Variants in ARFGAP2 observed in about 807,000 individuals in gnomAD.
The protein encoded by ARFGAP2 is ADP-ribosylation factor GTPase-activating protein 2.
A neutral mutation model predicts 71.9 loss-of-function variants in ARFGAP2; 45 were observed. The ratio of observed to expected loss-of-function variants is 0.63; its 90% confidence interval spans 0.49 to 0.80. The LOEUF (loss-of-function observed/expected upper bound fraction) is 0.80, where lower values mean the gene tolerates loss of function less well. Among genes scored for constraint, ARFGAP2 ranks in the 30% least tolerant of loss-of-function variants. The pLI is 0.00. For synonymous variants in ARFGAP2, 248 were observed against 249.2 expected, an observed-to-expected ratio of 1.00 and a Z score of 0.05; for missense variants, 633 against 673.9, an observed-to-expected ratio of 0.94 and a Z score of 0.67.
At chr11:47,171,971 C>A in intron 8 of ARFGAP2, 171 bp from the exon 9 acceptor site, 1 of 1,059,856 alleles carries the variant, frequency 9.4e-7, no homozygotes. Flanking sequence ...TGGAGCTGGG[C>A]ATGGGCGGCT....
chr11:47,175,098 G>A lies in ARFGAP2; in HGVS notation c.397C>T (p.Leu133Phe), dbSNP rs778053729. The change falls in exon 5 of 16, where the codon CTT becomes TTT. Residue 133 changes from leucine to phenylalanine, a missense_variant and splice_region_variant. Leu to Phe is a conservative substitution (Grantham distance 22). Coordinates refer to ENST00000524782, the MANE Select transcript of ARFGAP2 (RefSeq NM_032389.6). ...SAALARHGTD[L>F]WIDNMSSAVP... ...GCACTACTCATGTTGTCTATCCAAA[G>A]CTAGAAAGGAGAAGACACCCCTAAA... 1 of 1,614,162 alleles carries A rather than the reference G, an allele frequency of 6.2e-7. No homozygotes were observed. The highest frequency in any genetic ancestry group is 1.7e-5 in the Admixed American group (1 of 60,026).
In ARFGAP2 at chr11:47,165,410, A is replaced by T; in HGVS notation, c.*72T>A. ...ATCCTCCCCAGCTTCCACAAGGCAA[A>T]GCATCCCCAGCCTGGGAACTGTGGA... is the stretch of plus-strand genomic sequence containing the variant. On this transcript the variant is annotated 3_prime_UTR_variant, in exon 16 of 16. Transcript: ENST00000524782. 1 of 1,525,292 alleles carries T rather than the reference A, an allele frequency of 6.6e-7. No homozygotes were observed. Among genetic ancestry groups the T allele is most frequent in the Non-Finnish European group, 8.8e-7 (1 of 1,134,666 alleles). 94.5% of individuals were successfully genotyped at this position (1,525,292 alleles called of 1,614,324 possible).
chr11:47,166,356 G>A lies in ARFGAP2; in HGVS notation c.1457C>T (p.Thr486Ile). 6.2e-7 allele frequency: 1 copy of A among 1,614,250 alleles called. No individual in the cohort carries two copies. Among genetic ancestry groups the A allele is most frequent in the Non-Finnish European group, 8.5e-7 (1 of 1,180,052 alleles). Residue 486 changes from threonine to isoleucine, a missense_variant, in exon 15 of 16, where the codon ACA becomes ATA. Thr to Ile is a moderately conservative substitution (Grantham distance 89). Coordinates refer to ENST00000524782, the MANE Select transcript of ARFGAP2 (RefSeq NM_032389.6). ...CTGCTTAAACTGGGCAATGTCCGCT[G>A]TAGGCAGCACGTTCCCCAGAGATAC... Reference protein sequence around the residue: ...GSVSLGNVLPTADIAQFKQGV... With the variant: ...GSVSLGNVLPIADIAQFKQGV...
Position 47,168,240 on chromosome 11 carries a change from T to C in ARFGAP2, c.953A>G (p.His318Arg), listed in dbSNP as rs963472806. The C allele has an allele frequency of 8.1e-6, 13 of 1,613,566 alleles. No individual in the cohort carries two copies. Among genetic ancestry groups the C allele is most frequent in the African/African-American group, 1.3e-5 (1 of 74,740 alleles). Residue 318 changes from histidine to arginine, a missense_variant, in exon 11 of 16, where the codon CAC (histidine) becomes CGC (arginine). Coordinates refer to ENST00000524782, the MANE Select transcript of ARFGAP2 (RefSeq NM_032389.6). ...MGLVSRSSVSHSVLSEMQVIE... is the reference protein window; with the variant it reads ...MGLVSRSSVSRSVLSEMQVIE... ...CACCTGCATCTCAGACAGCACGGAGTGGGAGACAGAGCTGCGCAGCAAAGC... is the reference window on the plus strand; with the variant it reads ...CACCTGCATCTCAGACAGCACGGAGCGGGAGACAGAGCTGCGCAGCAAAGC...
rs201018164 is a variant in ARFGAP2 at position 47,171,676 on chromosome 11, G to C, written c.797C>G (p.Ala266Gly). The C allele has an allele frequency of 6.2e-7, 1 of 1,613,636 alleles. No homozygotes were observed. Among genetic ancestry groups the C allele is most frequent in the Non-Finnish European group, 8.5e-7 (1 of 1,180,022 alleles). ...EQQAADAKKQ[A>G]EESMVASMRL... ...AGCAAACACTTACATGGACTCCTCC[G>C]CCTGCTTCTTGGCATCGGCTGCCTG... Residue 266 changes from alanine (A) to glycine (G), a missense_variant, in exon 9 of 16, where the codon GCG becomes GGG. Coordinates refer to ENST00000524782, the MANE Select transcript of ARFGAP2 (RefSeq NM_032389.6).
At position 47,167,901 on chromosome 11, in the gene ARFGAP2, C is replaced by A; in HGVS notation, c.1205+8G>T. The A allele has an allele frequency of 6.3e-7, 1 of 1,589,766 alleles. No individual in the cohort carries two copies. Among genetic ancestry groups the A allele is most frequent in the Non-Finnish European group, 8.5e-7 (1 of 1,169,646 alleles). Reference sequence around the variant, plus strand: ...AAGAAAGAAAAAAGAAAAAACAGCCCACTCTACCTTTCTGAAATAGGCCGG... The same window carrying A: ...AAGAAAGAAAAAAGAAAAAACAGCCAACTCTACCTTTCTGAAATAGGCCGG... On this transcript the variant is annotated splice_region_variant and intron_variant, in intron 12 of 15. Coordinates refer to ENST00000524782, the MANE Select transcript of ARFGAP2 (RefSeq NM_032389.6).
chr11:47,170,743 C>A (rs747343144), intron 10 of ARFGAP2, among the ~76,000 whole-genome samples: 3 of 152,048 alleles, frequency 2.0e-5, no homozygotes, highest in Non-Finnish European at 4.4e-5. Context: ...CCCAGGAATT[C>A]GAGACCAGGC....
At chr11:47,175,352 A>T in intron 3 of ARFGAP2, 39 bp from the exon 4 acceptor site, 1 of 1,613,574 alleles carries the variant, frequency 6.2e-7, no homozygotes, top group Non-Finnish European at 8.5e-7. Flanking sequence ...GCTACGGGTG[A>T]TTCTCAAGAA....
At chr11:47,166,727 G>T in intron 13 of ARFGAP2, 33 bp downstream of exon 13, 1 of 1,606,268 alleles carries the variant, frequency 6.2e-7, no homozygotes, top group Non-Finnish European at 8.5e-7. Flanking sequence ...TCTGCCTGCT[G>T]CCTCGGACCT....
At chr11:47,174,072 C>T (rs1590958931) in intron 5 of ARFGAP2, 1 of 714,194 alleles carries the variant, frequency 1.4e-6, no homozygotes, top group Non-Finnish European at 2.3e-6. Context: ...GCCCATTCTC[C>T]TAACTTAAAG....
intron 8 of ARFGAP2, 36 bp from the exon 9 acceptor site, chr11:47,171,836 A>C: frequency 6.2e-7 from 1 of 1,609,484 alleles, no homozygotes; most frequent in South Asian, 1.1e-5. Flanking sequence ...CTTCCCAATC[A>C]CACTCTCCTC....
At position 47,171,911 on chromosome 11, in the gene ARFGAP2, G is replaced by C. The variant is rs1259635167; in HGVS notation, c.673-111C>G. 5 of 1,480,458 alleles carry C rather than the reference G, an allele frequency of 3.4e-6. No homozygotes were observed. In the Admixed American group the frequency reaches 1.1e-4, roughly 32 times the overall value. 91.7% of individuals were successfully genotyped at this position (1,480,458 alleles called of 1,614,324 possible). On this transcript the variant is annotated intron_variant, in intron 8 of 15. Transcript: ENST00000524782. ...AGGAAAAGGCCCTTCTTAAAATTTAGGGTAAAAAACAGGAGCCCAACCAGC... is the reference window on the plus strand; with the variant it reads ...AGGAAAAGGCCCTTCTTAAAATTTACGGTAAAAAACAGGAGCCCAACCAGC...
At chr11:47,167,830 A>G (rs1411889507) in intron 12 of ARFGAP2, 79 bp downstream of exon 12, 3 of 1,468,082 alleles carry the variant, frequency 2.0e-6, no homozygotes, top group Non-Finnish European at 2.7e-6. Context: ...TCTTCTAGAC[A>G]GTGCTGCCTT....
Position 47,171,804 on chromosome 11 carries a change from G to T in ARFGAP2, c.673-4C>A, listed in dbSNP as rs747629959. ...CTAGGCCTTTCTTGGCACCCAGCTG[G>T]GAACAGAATCATGTAAGGGGCCTTC... is the stretch of plus-strand genomic sequence containing the variant. On this transcript the variant is annotated splice_region_variant and splice_polypyrimidine_tract_variant and intron_variant, in intron 8 of 15. Transcript: ENST00000524782. 16 of 1,613,362 alleles carry T rather than the reference G, an allele frequency of 9.9e-6. No homozygotes were observed. Among genetic ancestry groups the T allele is most frequent in the South Asian group, 5.5e-5 (5 of 91,076 alleles).
rs1455650877 is a variant in ARFGAP2, at chr11:47,176,350, G to A, written c.191+166C>T. ...GGAGACGGACCGCCCATGTGCCAAA[G>A]GGCCCACACAGGTGGTTCCCTCTGG... On this transcript the variant is annotated intron_variant, in intron 2 of 15. Coordinates refer to ENST00000524782, the MANE Select transcript of ARFGAP2 (RefSeq NM_032389.6). 4 of 675,400 alleles carry A rather than the reference G, an allele frequency of 5.9e-6. No individual in the cohort carries two copies. In the African/African-American group the frequency reaches 7.2e-5, roughly 12 times the overall value. 41.8% of individuals were successfully genotyped at this position (675,400 alleles called of 1,614,324 possible). A position where few individuals can be genotyped will look rare whatever the true frequency, so the allele number is the denominator to read the frequency against.
chr11:47,167,372 G>A (rs148594635), intron 12 of ARFGAP2, among the ~76,000 whole-genome samples: 402 of 152,302 alleles, frequency 2.6e-3, no homozygotes, highest in African/African-American at 9.3e-3. Flanking sequence ...TGGACACTGG[G>A]CCAGGTATTT....
chr11:47,175,245 G>T lies in ARFGAP2; in HGVS notation c.333C>A (p.Ala111=), dbSNP rs775997570. Residue 111 remains alanine, a synonymous_variant, in exon 4 of 16, where the codon GCC becomes GCA. Transcript: ENST00000524782. The part of the protein sequence containing the change: ...DANTKYNSRA[A]QMYREKIRQL... ...GCCGGATCTTCTCCCGGTACATCTG[G>T]GCAGCTCGGCTATTATATTTGGTGT... 6.2e-7 allele frequency: 1 copy of T among 1,614,144 alleles called. No individual in the cohort carries two copies. The highest frequency in any genetic ancestry group is 8.5e-7 in the Non-Finnish European group (1 of 1,180,032).
Position 47,176,878 on chromosome 11 carries a change from G to A in ARFGAP2, c.-25C>T. ...TTTTCTCTCCTTCCCAGACACAACC[G>A]CGGCTGACGGGTCCCGCCGCGGGCC... is the stretch of plus-strand genomic sequence containing the variant. On this transcript the variant is annotated 5_prime_UTR_variant, in exon 1 of 16. Transcript: ENST00000524782. 1.2e-6 allele frequency: 2 copies of A among 1,605,724 alleles called. No individual in the cohort carries two copies. The highest frequency in any genetic ancestry group is 2.2e-5 in the South Asian group (2 of 90,582).
At position 47,165,333 on chromosome 11, in the gene ARFGAP2, G is replaced by GT. The variant is rs1234653538; in HGVS notation, c.*148dup. 3 of 950,110 alleles carry GT rather than the reference G, an allele frequency of 3.2e-6. No individual in the cohort carries two copies. The highest frequency in any genetic ancestry group is 4.6e-6 in the Non-Finnish European group (3 of 649,640). 58.9% of individuals were successfully genotyped at this position (950,110 alleles called of 1,614,324 possible). A position where few individuals can be genotyped will look rare whatever the true frequency, so the allele number is the denominator to read the frequency against. The stretch of plus-strand genomic sequence containing the variant: ...GGTACTGACCATTCCCCTCACAGGA[G>GT]TGAGCGCCTCAAAGGCCACCCCACA... On this transcript the variant is annotated 3_prime_UTR_variant, in exon 16 of 16. Transcript: ENST00000524782.
Sources: allele counts gnomAD v4.1 joint callset (sites outside exome capture counted in the v4.1 genomes callset), GRCh38; gene constraint gnomAD v4.1.1; transcripts MANE v1.5; gene names NCBI Gene and HGNC (gene_info 2026-07-23, HGNC 2026-07-21).